The following SRBD1 variants were observed in gnomAD, a reference collection of about 807,000 sequenced individuals.
SRBD1 encodes the protein S1 RNA-binding domain-containing protein 1.
SRBD1 carries 88 observed loss-of-function variants against 115.3 expected under a neutral mutation model. The ratio of observed to expected loss-of-function variants is 0.76; its 90% confidence interval spans 0.64 to 0.91. The LOEUF is 0.91. SRBD1 is among the 40% of genes least tolerant of loss of function. The pLI is 0.00. For missense variants in SRBD1, 1,385 were observed against 1,177.4 expected, an observed-to-expected ratio of 1.18 and a Z score of -2.58; for synonymous variants, 509 against 407.7, an observed-to-expected ratio of 1.25 and a Z score of -2.99.
chr2:45,393,145 T>A lies in SRBD1; in HGVS notation c.2514-16A>T, dbSNP rs747274943. The A allele has an allele frequency of 2.5e-6, 4 of 1,586,912 alleles. No homozygotes were observed. In the South Asian group the frequency reaches 3.5e-5, roughly 14 times the overall value. On this transcript the variant is annotated splice_polypyrimidine_tract_variant and intron_variant, in intron 19 of 20. Coordinates refer to ENST00000263736, the MANE Select transcript of SRBD1 (RefSeq NM_018079.5). ...TGACAAAAACCTGCAGTGGAAAAAATAAAAAGCGCAACACTTAACAATATT... is the reference window on the plus strand; with the variant it reads ...TGACAAAAACCTGCAGTGGAAAAAAAAAAAAGCGCAACACTTAACAATATT...
At chr2:45,503,723 TTCAGATCAAAG>T (rs1329057165) in intron 14 of SRBD1, among the ~76,000 whole-genome samples, 3 of 152,178 alleles carry the variant, frequency 2.0e-5, no homozygotes, top group Non-Finnish European at 4.4e-5. Flanking sequence ...ATATGTTTGA[TTCAGATCAAAG>T]TAATATTAAG....
chr2:45,493,985 A>G (rs1346175879), intron 14 of SRBD1, among the ~76,000 whole-genome samples: 1 of 152,150 alleles, frequency 6.6e-6, no homozygotes, highest in Non-Finnish European at 1.5e-5. Context: ...TAGCTATTAT[A>G]TTTTTAGCAA....
At chr2:45,569,951 C>T (rs1364388965) in intron 9 of SRBD1, among the ~76,000 whole-genome samples, 3 of 152,226 alleles carry the variant, frequency 2.0e-5, no homozygotes, top group African/African-American at 7.2e-5. Flanking sequence ...ATATTGTACA[C>T]ATATACCTTT....
At chr2:45,434,369 T>A (rs550540468) in intron 16 of SRBD1, among the ~76,000 whole-genome samples, 56 of 152,210 alleles carry the variant, frequency 3.7e-4, no homozygotes, top group Non-Finnish European at 5.7e-4. Flanking sequence ...CAAGACACTG[T>A]GTAACCCCTG....
intron 14 of SRBD1, among the ~76,000 whole-genome samples, chr2:45,511,467 C>A (rs1049314125): frequency 9.9e-5 from 15 of 152,090 alleles, no homozygotes; most frequent in Non-Finnish European, 1.8e-4. Context: ...GAACTTCCCC[C>A]AAAAAGTTCT....
intron 4 of SRBD1, among the ~76,000 whole-genome samples, chr2:45,598,296 A>G (rs1327357485): frequency 1.3e-5 from 2 of 152,206 alleles, no homozygotes; most frequent in Non-Finnish European, 2.9e-5. Flanking sequence ...AGTGCACCAC[A>G]GAGAAGAAAA....
intron 16 of SRBD1, among the ~76,000 whole-genome samples, chr2:45,429,469 G>A (rs1477791077): frequency 6.6e-6 from 1 of 151,658 alleles, no homozygotes; most frequent in Non-Finnish European, 1.5e-5. Context: ...CTTCATCTCT[G>A]GGATGCAAGG....
chr2:45,467,134 C>T (rs1669512492), intron 16 of SRBD1, among the ~76,000 whole-genome samples: 1 of 152,192 alleles, frequency 6.6e-6, no homozygotes, highest in Admixed American at 6.5e-5. Context: ...TGAAAGAATG[C>T]ACATTTCTAG....
chr2:45,496,281 T>C (rs1370956398), intron 14 of SRBD1, among the ~76,000 whole-genome samples: 4 of 152,174 alleles, frequency 2.6e-5, no homozygotes, highest in Admixed American at 2.6e-4. Context: ...ATAAAACATA[T>C]TGCAAATTAT....
rs1008261019 is a variant in SRBD1 at position 45,457,671 on chromosome 2, C to A, written c.2049+19322G>T. Among the ~76,000 whole-genome samples, 6 of 151,950 alleles carry A rather than the reference C, an allele frequency of 3.9e-5. No homozygotes were observed. In the South Asian group the frequency reaches 8.3e-4, roughly 21 times the overall value. On this transcript the variant is annotated intron_variant, in intron 16 of 20. Transcript: ENST00000263736. Reference sequence around the variant, plus strand: ...TATGTTAAAAAAATACCCCGACAAACACTTCATGTTCTGGTAAAAACCTAA... The same window carrying A: ...TATGTTAAAAAAATACCCCGACAAAAACTTCATGTTCTGGTAAAAACCTAA...
chr2:45,565,264 G>A (rs910715816), intron 9 of SRBD1, among the ~76,000 whole-genome samples: 1 of 152,126 alleles, frequency 6.6e-6, no homozygotes, highest in Non-Finnish European at 1.5e-5. Context: ...TCAAGACAGT[G>A]GGGACTGGCA....
intron 9 of SRBD1, among the ~76,000 whole-genome samples, chr2:45,567,389 T>C (rs186574813): frequency 1.6e-3 from 238 of 152,180 alleles, no homozygotes; most frequent in African/African-American, 5.5e-3. Flanking sequence ...GCAGGAGGAC[T>C]GGTTGAGCTC....
chr2:45,528,254 G>C (rs1671509307), intron 14 of SRBD1, among the ~76,000 whole-genome samples: 1 of 151,764 alleles, frequency 6.6e-6, no homozygotes, highest in South Asian at 2.1e-4. Flanking sequence ...TAAGAAGCGA[G>C]TATCAAGAGA....
intron 1 of SRBD1, among the ~76,000 whole-genome samples, chr2:45,607,376 C>T (rs1674306671): frequency 6.6e-6 from 1 of 152,042 alleles, no homozygotes; most frequent in Non-Finnish European, 1.5e-5. Flanking sequence ...ACCTCCACAC[C>T]ATTAACAAAA....
chr2:45,574,554 T>A, intron 8 of SRBD1, 73 bp downstream of exon 8: 1 of 1,366,836 alleles, frequency 7.3e-7, no homozygotes, highest in East Asian at 2.3e-5. Flanking sequence ...TGAACATTGG[T>A]ATTAGCACTA....
chr2:45,555,489 T>A (rs1174254867), intron 10 of SRBD1, among the ~76,000 whole-genome samples: 1 of 73,536 alleles, frequency 1.4e-5, no homozygotes, highest in South Asian at 4.0e-4. Flanking sequence ...CATTAAACCC[T>A]TTTTTTTTTT....
chr2:45,472,122 C>T (rs538317260), intron 16 of SRBD1, among the ~76,000 whole-genome samples: 1 of 152,212 alleles, frequency 6.6e-6, no homozygotes, highest in Non-Finnish European at 1.5e-5. Context: ...CACACCCACA[C>T]CCACACATAC....
At chr2:45,579,729 T>C in intron 7 of SRBD1, 146 bp downstream of exon 7, 1 of 955,208 alleles carries the variant, frequency 1.0e-6, no homozygotes, top group Non-Finnish European at 1.4e-6. Flanking sequence ...TCAATAGGTA[T>C]GTCAGGATTT....
intron 14 of SRBD1, among the ~76,000 whole-genome samples, chr2:45,529,966 A>G (rs534680094): frequency 1.3e-5 from 2 of 152,170 alleles, no homozygotes; most frequent in Non-Finnish European, 2.9e-5. Context: ...GCTGGACATA[A>G]CTTAAAATAG....
Sources: allele counts gnomAD v4.1 joint callset (sites outside exome capture counted in the v4.1 genomes callset), GRCh38; gene constraint gnomAD v4.1.1; transcripts MANE v1.5; gene names NCBI Gene and HGNC (gene_info 2026-07-23, HGNC 2026-07-21).